AIG1: variants seen among roughly 807,000 people sequenced by gnomAD.
The protein encoded by AIG1 is androgen-induced gene 1 protein.
A neutral mutation model predicts 31.4 loss-of-function variants in AIG1; 23 were observed. The ratio of observed to expected loss-of-function variants is 0.73; its 90% CI spans 0.53 to 1.04. AIG1 has a LOEUF of 1.04. Ranked by LOEUF, AIG1 falls within the 50% of genes least tolerant of loss-of-function variation. The pLI is 0.00. For synonymous variants in AIG1, 100 were observed against 110.5 expected, an observed-to-expected ratio of 0.90 and a Z score of 0.60; for missense variants, 274 against 295.0, an observed-to-expected ratio of 0.93 and a Z score of 0.52.
chr6:143,265,897 C>T (rs1796119397), intron 3 of AIG1, among the ~76,000 whole-genome samples: 1 of 152,242 alleles, frequency 6.6e-6, no homozygotes, highest in African/African-American at 2.4e-5. Flanking sequence ...TCCTTCCCAG[C>T]TGTTCCTTCA....
intron 4 of AIG1, among the ~76,000 whole-genome samples, chr6:143,312,123 G>A (rs1224098205): frequency 1.3e-5 from 2 of 151,984 alleles, no homozygotes; most frequent in African/African-American, 4.8e-5. Flanking sequence ...TTATTAAAAT[G>A]TTCATACTAC....
intron 1 of AIG1, among the ~76,000 whole-genome samples, chr6:143,089,309 G>T (rs12665439): frequency 0.22 from 34,197 of 152,014 alleles, 7,804 homozygotes; most frequent in African/African-American, 0.57. Flanking sequence ...TATGATATGA[G>T]GAATATATTA....
intron 2 of AIG1, among the ~76,000 whole-genome samples, chr6:143,154,661 G>A (rs1473780177): frequency 6.6e-6 from 1 of 152,158 alleles, no homozygotes; most frequent in Admixed American, 6.5e-5. Flanking sequence ...GTCAAAGCTG[G>A]TGAAACCCGA....
intron 3 of AIG1, chr6:143,187,794 GAA>G (rs1309969438): frequency 6.7e-7 from 1 of 1,502,056 alleles, no homozygotes; most frequent in Non-Finnish European, 8.9e-7. Context: ...ACCTTGAAGC[GAA>G]GTTTTGCCAA....
intron 2 of AIG1, among the ~76,000 whole-genome samples, chr6:143,154,195 T>G (rs1258665696): frequency 6.6e-6 from 1 of 151,944 alleles, no homozygotes; most frequent in Non-Finnish European, 1.5e-5. Context: ...AATTAAAATT[T>G]TCTAAAGATA....
intron 2 of AIG1, among the ~76,000 whole-genome samples, chr6:143,160,011 T>G (rs756905872): frequency 6.6e-6 from 1 of 152,198 alleles, no homozygotes; most frequent in Non-Finnish European, 1.5e-5. Context: ...TCTTTTCCTA[T>G]CAGTATTTGG....
intron 3 of AIG1, among the ~76,000 whole-genome samples, chr6:143,235,436 G>A (rs1013624735): frequency 6.6e-6 from 1 of 152,192 alleles, no homozygotes; most frequent in Non-Finnish European, 1.5e-5. Context: ...GGCAGGGAAG[G>A]TATGTGGGAA....
intron 3 of AIG1, among the ~76,000 whole-genome samples, chr6:143,269,870 G>T (rs180906513): frequency 1.3e-5 from 2 of 152,202 alleles, no homozygotes; most frequent in Non-Finnish European, 2.9e-5. Flanking sequence ...GGCTTTCGAA[G>T]CTGTTTTTGA....
rs1219732103 is a variant in AIG1 at position 143,280,006 on chromosome 6, A to T, written c.400-4104A>T. 1.3e-5 allele frequency among the ~76,000 whole-genome samples: 2 copies of T among 152,228 alleles called. No homozygotes were observed. The highest frequency in any genetic ancestry group is 2.9e-5 in the Non-Finnish European group (2 of 68,048). On this transcript the variant is annotated intron_variant, in intron 3 of 5. Coordinates refer to ENST00000357847, the MANE Select transcript of AIG1 (RefSeq NM_016108.4). This position sits in a 1 kb window ranked among gnomAD's most constrained non-coding sequence, Gnocchi z 4.1. The stretch of plus-strand genomic sequence containing the variant: ...TGTTCTGTTGACAATGTACTGCAGA[A>T]AACAGTCCAAACAATTCTTAAGAGC...
At chr6:143,078,874 T>C (rs537130112) in intron 1 of AIG1, among the ~76,000 whole-genome samples, 3 of 152,336 alleles carry the variant, frequency 2.0e-5, no homozygotes, top group East Asian at 3.9e-4. Flanking sequence ...TGGAGAAATG[T>C]TGATTTTGTT....
intron 2 of AIG1, among the ~76,000 whole-genome samples, chr6:143,140,754 G>A (rs980201257): frequency 2.0e-5 from 3 of 152,216 alleles, no homozygotes; most frequent in Admixed American, 6.5e-5. Context: ...TGCTTATCAT[G>A]TGTGCAGATG....
rs999277591 is a variant in AIG1 at position 143,297,941 on chromosome 6, A to G, written c.515+13716A>G. On this transcript the variant is annotated intron_variant, in intron 4 of 5. Transcript: ENST00000357847. This position sits in a 1 kb window ranked among gnomAD's most constrained non-coding sequence, Gnocchi z 5.1. ...AGTAGAAAAACAAGATGTGTAAGTC[A>G]CCCATAAAGCTGAGAATTACGTACA... Among the ~76,000 whole-genome samples, 2 of 152,050 alleles carry G rather than the reference A, an allele frequency of 1.3e-5. No individual in the cohort carries two copies. The highest frequency in any genetic ancestry group is 4.8e-5 in the African/African-American group (2 of 41,400).
At position 143,325,894 on chromosome 6, in the gene AIG1, T is replaced by G. The variant is rs1776568256; in HGVS notation, c.516-7388T>G. 6.6e-6 allele frequency among the ~76,000 whole-genome samples: 1 copy of G among 152,186 alleles called. No individual in the cohort carries two copies. Among genetic ancestry groups the G allele is most frequent in the South Asian group, 2.1e-4 (1 of 4,828 alleles). On this transcript the variant is annotated intron_variant, in intron 4 of 5. Transcript: ENST00000357847. This position sits in a 1 kb window ranked among gnomAD's most constrained non-coding sequence, Gnocchi z 4.3. Reference sequence around the variant, plus strand: ...GAGGCAAGGGAGGGAATACCTGATGTGTAACATTTGCCCATATCCTTGGTG... The same window carrying G: ...GAGGCAAGGGAGGGAATACCTGATGGGTAACATTTGCCCATATCCTTGGTG...
chr6:143,128,599 C>T (rs1782906758), intron 1 of AIG1, among the ~76,000 whole-genome samples: 1 of 152,154 alleles, frequency 6.6e-6, no homozygotes, highest in Non-Finnish European at 1.5e-5. Context: ...TGGCTGGAGT[C>T]GAATAATACT....
chr6:143,215,936 CA>C (rs1791994561), intron 3 of AIG1, among the ~76,000 whole-genome samples: 1 of 152,118 alleles, frequency 6.6e-6, no homozygotes, highest in Non-Finnish European at 1.5e-5. Context: ...CAGCCACAGA[CA>C]ATACATAAAC....
chr6:143,322,760 A>G (rs2128716703), intron 4 of AIG1, among the ~76,000 whole-genome samples: 1 of 152,340 alleles, frequency 6.6e-6, no homozygotes, highest in South Asian at 2.1e-4. Flanking sequence ...TTTGTGATTT[A>G]GAATCAGGAA....
At chr6:143,227,388 C>CTGCCCCGTGCCCT (rs1230393528) in intron 3 of AIG1, among the ~76,000 whole-genome samples, 2 of 152,090 alleles carry the variant, frequency 1.3e-5, no homozygotes, top group Admixed American at 6.5e-5. Flanking sequence ...CCCCGTGCCC[C>CTGCCCCGTGCCCT]TCCTTCATCC....
At chr6:143,061,693 T>TA (rs1776275055) in intron 1 of AIG1, 1 of 197,000 alleles carries the variant, frequency 5.1e-6, no homozygotes, top group African/African-American at 2.3e-5. Flanking sequence ...AAGGTGACTG[T>TA]ACACACTTCT....
chr6:143,087,357 C>G (rs1355602706), intron 1 of AIG1, among the ~76,000 whole-genome samples: 1 of 152,188 alleles, frequency 6.6e-6, no homozygotes, highest in Non-Finnish European at 1.5e-5. Context: ...TGTTGTAGCT[C>G]TATTAGAAGC....
Sources: gnomAD v4.1 joint callset for allele counts (sites outside exome capture counted in the v4.1 genomes callset) on GRCh38, gnomAD v4.1.1 for gene constraint, Gnocchi (gnomAD v3.1) non-coding constraint, MANE v1.5 for transcripts, NCBI Gene and HGNC (gene_info 2026-07-23, HGNC 2026-07-21) for gene names.